SPMIP2: variants seen among roughly 807,000 people sequenced by gnomAD.
SPMIP2 encodes the protein protein SPMIP2.
chr4:158,944,832 C>A, the SPMIP2 span, among the ~76,000 whole-genome samples: 3 of 152,210 alleles, frequency 2.0e-5, no homozygotes, highest in East Asian at 5.8e-4. Context: ...TCCACTTTGA[C>A]TCCACTCCTC....
chr4:158,915,088 A>G, the SPMIP2 span: 1 of 1,203,098 alleles, frequency 8.3e-7, no homozygotes, highest in Middle Eastern at 2.0e-4. Context: ...TATTAGTATT[A>G]CTATGAGAAA....
the SPMIP2 span, among the ~76,000 whole-genome samples, chr4:158,908,756 G>C: frequency 2.9e-4 from 44 of 152,082 alleles, no homozygotes; most frequent in African/African-American, 8.2e-4. Flanking sequence ...GTGCAATCTC[G>C]GCTCACTGCA....
At chr4:159,059,624 C>T in the SPMIP2 span, among the ~76,000 whole-genome samples, 1 of 152,238 alleles carries the variant, frequency 6.6e-6, no homozygotes, top group Non-Finnish European at 1.5e-5. Flanking sequence ...CCACCAGCCT[C>T]AGCCTCCCAA....
the SPMIP2 span, among the ~76,000 whole-genome samples, chr4:159,029,254 G>A: frequency 7.9e-5 from 12 of 152,142 alleles, no homozygotes; most frequent in African/African-American, 1.2e-4. Context: ...CACAGTTATC[G>A]AAAACATGAA....
the SPMIP2 span, among the ~76,000 whole-genome samples, chr4:158,981,056 C>T: frequency 6.6e-6 from 1 of 152,084 alleles, no homozygotes; most frequent in African/African-American, 2.4e-5. Context: ...CTCTGTGAAG[C>T]ATACACAAGT....
At chr4:158,930,252 C>T in the SPMIP2 span, among the ~76,000 whole-genome samples, 2 of 150,442 alleles carry the variant, frequency 1.3e-5, no homozygotes, top group Non-Finnish European at 2.9e-5. Context: ...TGCTCTATCA[C>T]CTAGGCTGGA....
chr4:159,025,889 G>A, the SPMIP2 span, among the ~76,000 whole-genome samples: 4 of 152,150 alleles, frequency 2.6e-5, no homozygotes, highest in Admixed American at 1.3e-4. Flanking sequence ...TTTGCTTCTT[G>A]AAGCAGGATC....
the SPMIP2 span, among the ~76,000 whole-genome samples, chr4:159,013,225 C>T: frequency 6.6e-6 from 1 of 152,130 alleles, no homozygotes; most frequent in African/African-American, 2.4e-5. Context: ...TCCAGCCATC[C>T]CAGTTCTGGG....
chr4:158,967,120 T>C, the SPMIP2 span, among the ~76,000 whole-genome samples: 2 of 152,342 alleles, frequency 1.3e-5, no homozygotes, highest in South Asian at 2.1e-4. Context: ...GCATCAAACA[T>C]AAAATTTATT....
At chr4:159,033,150 G>A in the SPMIP2 span, among the ~76,000 whole-genome samples, 1 of 152,162 alleles carries the variant, frequency 6.6e-6, no homozygotes, top group African/African-American at 2.4e-5. Context: ...ATGAAAAGAT[G>A]TGGAGAAGCC....
the SPMIP2 span, among the ~76,000 whole-genome samples, chr4:158,920,504 T>C: frequency 2.0e-4 from 30 of 152,184 alleles, no homozygotes; most frequent in African/African-American, 6.5e-4. Context: ...TGGGGGGAGA[T>C]CTATAAACGG....
At chr4:159,007,547 G>T in the SPMIP2 span, 2 of 1,063,546 alleles carry the variant, frequency 1.9e-6, no homozygotes, top group Non-Finnish European at 2.8e-6. Context: ...CAATCCAGGA[G>T]AAGGTGCTGG....
chr4:158,951,242 G>A, the SPMIP2 span, among the ~76,000 whole-genome samples: 25 of 152,304 alleles, frequency 1.6e-4, no homozygotes, highest in Non-Finnish European at 3.2e-4. Flanking sequence ...CCTGAGAAAC[G>A]TGCCAGTAGG....
chr4:159,073,698 G>A, the SPMIP2 span, among the ~76,000 whole-genome samples: 17 of 151,906 alleles, frequency 1.1e-4, no homozygotes, highest in Non-Finnish European at 1.5e-4. Flanking sequence ...TCCAAAATAC[G>A]TCCTAAGAAA....
the SPMIP2 span, among the ~76,000 whole-genome samples, chr4:159,058,385 T>C: frequency 5.1e-3 from 772 of 152,304 alleles, 9 homozygotes; most frequent in African/African-American, 0.018. Flanking sequence ...TTTTTGGTTA[T>C]ATATTGTTTT....
the SPMIP2 span, among the ~76,000 whole-genome samples, chr4:158,943,288 C>G: frequency 6.6e-6 from 1 of 152,112 alleles, no homozygotes; most frequent in Admixed American, 6.6e-5. Flanking sequence ...TTTACTTTTT[C>G]CAAAAGGTTA....
the SPMIP2 span, among the ~76,000 whole-genome samples, chr4:158,926,547 C>G: frequency 5.9e-5 from 9 of 151,730 alleles, no homozygotes. Context: ...GATTTCATGC[C>G]TCTTAAATGT....
the SPMIP2 span, among the ~76,000 whole-genome samples, chr4:158,896,734 A>T: frequency 6.8e-6 from 1 of 146,948 alleles, no homozygotes; most frequent in Admixed American, 6.7e-5. Flanking sequence ...CCCCCTTATG[A>T]GGTGTTTGCT....
At chr4:158,939,087 T>C in the SPMIP2 span, among the ~76,000 whole-genome samples, 1 of 152,210 alleles carries the variant, frequency 6.6e-6, no homozygotes, top group African/African-American at 2.4e-5. Context: ...TGCTAATTTA[T>C]ACATCAGAGG....
Sources: allele counts gnomAD v4.1 joint callset (sites outside exome capture counted in the v4.1 genomes callset), GRCh38; gene constraint gnomAD v4.1.1; transcripts MANE v1.5; gene names NCBI Gene and HGNC (gene_info 2026-07-23, HGNC 2026-07-21).